The following DNAI4 variants were observed in gnomAD, a reference collection of about 807,000 sequenced individuals.
DNAI4 encodes dynein axonemal intermediate chain 4.
DNAI4 carries 85 observed loss-of-function variants against 105.8 expected under a neutral mutation model. The ratio of observed to expected loss-of-function variants is 0.80; its 90% CI spans 0.67 to 0.96. DNAI4 has a LOEUF of 0.96. Among genes scored for constraint, DNAI4 ranks in the 40% least tolerant of loss-of-function variants. DNAI4 has a pLI of 0.00. For missense variants in DNAI4, 1,014 were observed against 1,005.6 expected (o/e 1.01, Z -0.11); for synonymous variants, 352 against 331.5 (o/e 1.06, Z -0.67).
At chr1:66,886,382 G>T (rs1647201533) in intron 4 of DNAI4, among the ~76,000 whole-genome samples, 1 of 152,042 alleles carries the variant, frequency 6.6e-6, no homozygotes, top group African/African-American at 2.4e-5. Flanking sequence ...TTGCCCTTTA[G>T]CACTCCTAAT....
chr1:66,864,252 T>C (rs983897755), intron 6 of DNAI4, among the ~76,000 whole-genome samples: 1 of 152,182 alleles, frequency 6.6e-6, no homozygotes, highest in Non-Finnish European at 1.5e-5. Flanking sequence ...AATAAAGCTG[T>C]TAAAAAAGTC....
At chr1:66,848,858 C>A (rs114896325) in intron 7 of DNAI4, among the ~76,000 whole-genome samples, 1,693 of 152,266 alleles carry the variant, frequency 0.011, 17 homozygotes, top group Non-Finnish European at 0.018. Context: ...CATTCTACTC[C>A]AGCCAAGCAC....
chr1:66,825,476 C>T (rs1201712135), intron 15 of DNAI4, among the ~76,000 whole-genome samples: 1 of 152,148 alleles, frequency 6.6e-6, no homozygotes, highest in East Asian at 1.9e-4. Flanking sequence ...CCACCGCGCA[C>T]GGCCTAATAA....
At chr1:66,898,195 C>A (rs547327464) in intron 2 of DNAI4, among the ~76,000 whole-genome samples, 2 of 152,230 alleles carry the variant, frequency 1.3e-5, no homozygotes, top group Non-Finnish European at 2.9e-5. Flanking sequence ...GGAATGTATA[C>A]CCCATGTCTG....
At chr1:66,866,024 G>A (rs1646725764) in intron 6 of DNAI4, among the ~76,000 whole-genome samples, 1 of 152,212 alleles carries the variant, frequency 6.6e-6, no homozygotes, top group African/African-American at 2.4e-5. Context: ...ATTAAGAATG[G>A]TAAAGGCAGT....
At chr1:66,825,603 A>G (rs2100359982) in intron 15 of DNAI4, among the ~76,000 whole-genome samples, 1 of 152,348 alleles carries the variant, frequency 6.6e-6, no homozygotes, top group South Asian at 2.1e-4. Context: ...TAGTGTCCTC[A>G]AAAGAAGACA....
chr1:66,856,724 T>C (rs2100576461), intron 7 of DNAI4, among the ~76,000 whole-genome samples: 1 of 152,152 alleles, frequency 6.6e-6, no homozygotes, highest in East Asian at 1.9e-4. Context: ...ACAAAACATT[T>C]ATAAATAACA....
intron 6 of DNAI4, among the ~76,000 whole-genome samples, chr1:66,866,500 A>G (rs1455046699): frequency 6.6e-6 from 1 of 152,120 alleles, no homozygotes; most frequent in Admixed American, 6.6e-5. Flanking sequence ...ATGTTTGGTG[A>G]ACAGCTGAAA....
At chr1:66,817,102 C>A (rs1008110354) in intron 16 of DNAI4, among the ~76,000 whole-genome samples, 6 of 152,096 alleles carry the variant, frequency 3.9e-5, no homozygotes, top group African/African-American at 1.4e-4. Context: ...TCATTTAAAT[C>A]TCTGTACTGT....
chr1:66,827,817 G>A lies in DNAI4; in HGVS notation c.2107C>T (p.His703Tyr). ...NEQYLDTYRG[H>Y]KGPVYKVTWN... ...CCTACTATAATTAAACTAACCTTATGTCCTCTGTAGGTATCTAAGTATTGT... is the reference window on the plus strand; with the variant it reads ...CCTACTATAATTAAACTAACCTTATATCCTCTGTAGGTATCTAAGTATTGT... The change falls in exon 14 of 17, where the codon CAT becomes TAT. Residue 703 changes from histidine (H) to tyrosine (Y), a missense_variant. His to Tyr is a moderately conservative substitution (Grantham distance 83, BLOSUM62 2). Coordinates refer to ENST00000371026, the MANE Select transcript of DNAI4 (RefSeq NM_024763.5). The A allele has an allele frequency of 1.3e-6, 2 of 1,555,420 alleles. No homozygotes were observed. The highest frequency in any genetic ancestry group is 1.2e-5 in the South Asian group (1 of 83,292).
intron 5 of DNAI4, among the ~76,000 whole-genome samples, chr1:66,873,852 CTTTTTTTTTTT>C (rs749140367): frequency 9.1e-6 from 1 of 110,224 alleles, no homozygotes; most frequent in Non-Finnish European, 1.8e-5. Context: ...TCCCTCTTTC[CTTTTTTTTTTT>C]TTTTTTTTTT....
At chr1:66,882,518 C>G (rs1031843888) in intron 4 of DNAI4, among the ~76,000 whole-genome samples, 2 of 151,890 alleles carry the variant, frequency 1.3e-5, no homozygotes, top group African/African-American at 4.8e-5. Flanking sequence ...TGCTCTCTCT[C>G]TCTCTCTTTT....
At chr1:66,824,391 G>A (rs1016564721) in intron 15 of DNAI4, among the ~76,000 whole-genome samples, 54 of 151,950 alleles carry the variant, frequency 3.6e-4, no homozygotes, top group Non-Finnish European at 4.9e-4. Context: ...TTGGCGATGC[G>A]GGCTCTTTTT....
chr1:66,837,993 G>A (rs1646067493), intron 9 of DNAI4, among the ~76,000 whole-genome samples, 197 bp from the exon 10 acceptor site: 1 of 152,084 alleles, frequency 6.6e-6, no homozygotes, highest in Non-Finnish European at 1.5e-5. Flanking sequence ...TGAGTATAAT[G>A]CTTCTCATTT....
chr1:66,873,150 A>T (rs1012534976), intron 5 of DNAI4, among the ~76,000 whole-genome samples: 6 of 151,224 alleles, frequency 4.0e-5, no homozygotes, highest in African/African-American at 1.5e-4. Context: ...ACCTGAGGGA[A>T]TTCTTCTCCT....
chr1:66,915,578 A>C (rs1321315881), intron 1 of DNAI4, among the ~76,000 whole-genome samples: 1 of 152,250 alleles, frequency 6.6e-6, no homozygotes, highest in Non-Finnish European at 1.5e-5. Flanking sequence ...TATTAAATTC[A>C]ATAATTGATA....
intron 10 of DNAI4, among the ~76,000 whole-genome samples, chr1:66,836,203 A>G (rs1218499969): frequency 3.0e-5 from 1 of 33,794 alleles, no homozygotes; most frequent in African/African-American, 8.4e-5. Context: ...AAAGAAAGAA[A>G]GAAAGAGAGA....
chr1:66,836,444 T>A (rs1412789557), intron 10 of DNAI4, among the ~76,000 whole-genome samples: 1 of 152,070 alleles, frequency 6.6e-6, no homozygotes, highest in African/African-American at 2.4e-5. Flanking sequence ...TCTACCTTCT[T>A]ATGGGAACAA....
chr1:66,875,094 T>C (rs1445449799), intron 4 of DNAI4, among the ~76,000 whole-genome samples, 157 bp from the exon 5 acceptor site: 1 of 152,174 alleles, frequency 6.6e-6, no homozygotes, highest in Admixed American at 6.5e-5. Context: ...TATTCAACCT[T>C]TCTGAAGCCA....
Sources: gnomAD v4.1 joint callset for allele counts (sites outside exome capture counted in the v4.1 genomes callset) on GRCh38, gnomAD v4.1.1 for gene constraint, MANE v1.5 for transcripts, NCBI Gene and HGNC (gene_info 2026-07-23, HGNC 2026-07-21) for gene names.